The following OSBPL10 variants were observed in gnomAD, a reference collection of about 807,000 sequenced individuals.
OSBPL10 encodes the protein oxysterol binding protein like 10, also known as oxysterol-binding protein-related protein 10.
A neutral mutation model predicts 81.7 loss-of-function variants in OSBPL10; 49 were observed. That is an observed-to-expected ratio of 0.60 (90% CI 0.48 to 0.76). The LOEUF (loss-of-function observed/expected upper bound fraction) is 0.76, where lower values mean the gene tolerates loss of function less well. Among genes scored for constraint, OSBPL10 ranks in the 30% least tolerant of loss-of-function variants. OSBPL10 has a pLI of 0.00. For synonymous variants in OSBPL10, 419 were observed against 383.6 expected, an observed-to-expected ratio of 1.09 and a Z score of -1.08; for missense variants, 923 against 987.8, an observed-to-expected ratio of 0.93 and a Z score of 0.88.
Position 32,076,951 on chromosome 3 carries a change from C to A in OSBPL10, n.185+445G>T, listed in dbSNP as rs543739068. Among the ~76,000 whole-genome samples the A allele has an allele frequency of 2.6e-5, 4 of 152,210 alleles. 1 individual carries two copies. In the South Asian group the frequency reaches 8.3e-4, roughly 32 times the overall value. The stretch of plus-strand genomic sequence containing the variant: ...CACTGATATTTTGCAAAATAAAGCA[C>A]TGATATTATCCCCAAGAACAATTTG... On this transcript the variant is annotated intron_variant and non_coding_transcript_variant, in intron 1 of 3. Coordinates refer to the OSBPL10 transcript ENST00000479173.
intron 3 of OSBPL10, among the ~76,000 whole-genome samples, chr3:31,844,515 AAAAACATTATGAT>A (rs1700579203): frequency 6.6e-6 from 1 of 152,244 alleles, no homozygotes; most frequent in African/African-American, 2.4e-5. Context: ...GTTGAAACTC[AAAAACATTATGAT>A]AAAGAATAAG....
At chr3:31,921,745 A>G (rs1038613002) in intron 1 of OSBPL10, among the ~76,000 whole-genome samples, 4 of 152,188 alleles carry the variant, frequency 2.6e-5, no homozygotes, top group Non-Finnish European at 5.9e-5. Context: ...GAGCATAGGG[A>G]CTTTCTTTTG....
At chr3:31,679,030 G>C (rs1019720669) in intron 8 of OSBPL10, among the ~76,000 whole-genome samples, 3 of 151,958 alleles carry the variant, frequency 2.0e-5, no homozygotes, top group Admixed American at 1.3e-4. Context: ...CCAAAATGTG[G>C]CCTCTCCTCT....
intron 8 of OSBPL10, among the ~76,000 whole-genome samples, chr3:31,671,292 G>A (rs925876173): frequency 6.6e-6 from 1 of 152,196 alleles, no homozygotes; most frequent in African/African-American, 2.4e-5. Context: ...GCACAATGGA[G>A]GCCTCCAACA....
chr3:32,051,645 T>C lies in OSBPL10; in HGVS notation n.186-5042A>G, dbSNP rs372427529. 3.6e-4 allele frequency among the ~76,000 whole-genome samples: 55 copies of C among 152,324 alleles called. 1 individual carries two copies. The highest frequency in any genetic ancestry group is 1.1e-3 in the Admixed American group (17 of 15,300). On this transcript the variant is annotated intron_variant and non_coding_transcript_variant, in intron 1 of 3. Coordinates refer to the OSBPL10 transcript ENST00000479173. ...ATCTATTTTCCTTTCCAGCCATGCC[T>C]GCTTACTAGGTCCTAGAAACTGCAT...
intron 1 of OSBPL10, among the ~76,000 whole-genome samples, chr3:31,940,738 C>T (rs570638271): frequency 6.6e-6 from 1 of 152,196 alleles, no homozygotes; most frequent in East Asian, 1.9e-4. Context: ...GCATGGCCAC[C>T]TCCTACTGTC....
In OSBPL10 at chr3:32,056,109, T is replaced by G. The variant is rs114611481; in HGVS notation, n.186-9506A>C. On this transcript the variant is annotated intron_variant and non_coding_transcript_variant, in intron 1 of 3. Transcript: ENST00000479173. ...GTAAACAAATCAGTCCTATCATGATTTGCTTTTAATAAAAATAAGAACTGG... is the reference window on the plus strand; with the variant it reads ...GTAAACAAATCAGTCCTATCATGATGTGCTTTTAATAAAAATAAGAACTGG... Among the ~76,000 whole-genome samples the G allele has an allele frequency of 7.1e-3, 1,089 of 152,338 alleles. 11 individuals carry two copies. Among genetic ancestry groups the G allele is most frequent in the African/African-American group, 0.025 (1,044 of 41,580 alleles).
chr3:31,966,623 A>T (rs1052523516), intron 1 of OSBPL10, among the ~76,000 whole-genome samples: 2 of 152,140 alleles, frequency 1.3e-5, no homozygotes, highest in Non-Finnish European at 2.9e-5. Flanking sequence ...CATTAAAAAG[A>T]TAATAAGGGA....
At chr3:31,870,345 C>T (rs1701288547) in intron 3 of OSBPL10, among the ~76,000 whole-genome samples, 1 of 152,252 alleles carries the variant, frequency 6.6e-6, no homozygotes, top group Non-Finnish European at 1.5e-5. Context: ...TGGGCCTTAG[C>T]TTTCCCGCGG....
At chr3:31,936,081 T>TC (rs371962062) in intron 1 of OSBPL10, among the ~76,000 whole-genome samples, 10 of 152,294 alleles carry the variant, frequency 6.6e-5, no homozygotes, top group African/African-American at 2.4e-4. Flanking sequence ...CTTATGTAAC[T>TC]CCCCTCTGTT....
chr3:31,685,455 G>C (rs1453933333), intron 7 of OSBPL10, among the ~76,000 whole-genome samples: 1 of 152,126 alleles, frequency 6.6e-6, no homozygotes. Context: ...CACCCGTCTT[G>C]GCCTCCCAAA....
chr3:31,940,786 G>A (rs1297831261), intron 1 of OSBPL10, among the ~76,000 whole-genome samples: 1 of 152,070 alleles, frequency 6.6e-6, no homozygotes, highest in African/African-American at 2.4e-5. Flanking sequence ...CTGCCAGGAA[G>A]TCTTCCCAAT....
chr3:31,903,941 T>C (rs914229907), intron 1 of OSBPL10, among the ~76,000 whole-genome samples: 2 of 152,118 alleles, frequency 1.3e-5, no homozygotes, highest in African/African-American at 4.8e-5. Flanking sequence ...CTAAATCCAG[T>C]GAACACAGGT....
chr3:31,900,994 C>T (rs898499264), intron 1 of OSBPL10, among the ~76,000 whole-genome samples: 11 of 152,184 alleles, frequency 7.2e-5, no homozygotes, highest in African/African-American at 1.4e-4. Flanking sequence ...GCTGTGAGAA[C>T]ACTCTATCTC....
intron 4 of OSBPL10, among the ~76,000 whole-genome samples, chr3:31,792,737 C>G (rs997921222): frequency 1.0e-4 from 11 of 110,120 alleles, no homozygotes; most frequent in African/African-American, 2.9e-4. Context: ...TATCCAGACA[C>G]AGAGTGTGTG....
intron 5 of OSBPL10, among the ~76,000 whole-genome samples, chr3:31,746,486 C>T (rs1044037043): frequency 1.1e-4 from 17 of 151,838 alleles, no homozygotes; most frequent in African/African-American, 4.1e-4. Context: ...CAAGACCAGC[C>T]TGAACAACGT....
intron 1 of OSBPL10, among the ~76,000 whole-genome samples, chr3:32,052,487 A>G (rs989947197): frequency 6.6e-6 from 1 of 152,196 alleles, no homozygotes; most frequent in Non-Finnish European, 1.5e-5. Flanking sequence ...TCATTCTACT[A>G]TAAAGACATA....
At chr3:31,969,724 A>G (rs1342504289) in intron 1 of OSBPL10, among the ~76,000 whole-genome samples, 1 of 152,178 alleles carries the variant, frequency 6.6e-6, no homozygotes, top group East Asian at 1.9e-4. Flanking sequence ...GCATGGTGGC[A>G]GGCACCTGTA....
chr3:31,801,792 A>G (rs2125451315), intron 4 of OSBPL10, among the ~76,000 whole-genome samples: 1 of 152,192 alleles, frequency 6.6e-6, no homozygotes. Flanking sequence ...CTCTCTGCTT[A>G]TAAGAACTAA....
Sources: allele counts gnomAD v4.1 joint callset (sites outside exome capture counted in the v4.1 genomes callset), GRCh38; gene constraint gnomAD v4.1.1; transcripts MANE v1.5; gene names NCBI Gene and HGNC (gene_info 2026-07-23, HGNC 2026-07-21).